PACRG: variants seen among roughly 807,000 people sequenced by gnomAD.
PACRG encodes parkin coregulated gene protein.
Under a neutral mutation model 29.7 loss-of-function variants are expected in PACRG, and 29 were observed. That is an observed-to-expected ratio of 0.98 (90% confidence interval 0.73 to 1.33). The LOEUF is 1.33. Ranked by LOEUF, PACRG falls within the 40% of genes most tolerant of loss-of-function variation. The pLI is 0.00. For synonymous variants in PACRG, 116 were observed against 118.7 expected (o/e 0.98, Z 0.15); for missense variants, 279 against 316.2 (o/e 0.88, Z 0.89).
chr6:163,245,002 C>T (rs768527952), intron 4 of PACRG: 27 of 455,160 alleles, frequency 5.9e-5, no homozygotes, highest in Admixed American at 2.4e-4. Context: ...TCCAGACTTG[C>T]TCCTTGTCTT....
chr6:162,916,213 A>C (rs1328599751), intron 2 of PACRG, among the ~76,000 whole-genome samples: 13 of 152,132 alleles, frequency 8.5e-5, no homozygotes, highest in Non-Finnish European at 1.8e-4. Context: ...ATGCTATTCT[A>C]CTGTCTTATG....
intron 2 of PACRG, among the ~76,000 whole-genome samples, chr6:163,021,829 G>T (rs1043040643): frequency 7.2e-5 from 11 of 152,180 alleles, no homozygotes; most frequent in African/African-American, 2.4e-4. Flanking sequence ...CTCAAGGGAG[G>T]CACTGTCGTT....
intron 1 of PACRG, among the ~76,000 whole-genome samples, chr6:162,768,719 A>T (rs931786639): frequency 3.4e-5 from 5 of 147,754 alleles, no homozygotes; most frequent in Non-Finnish European, 7.6e-5. Context: ...GAATTCTGAA[A>T]TACTAATATA....
At chr6:162,911,529 T>G (rs998960832) in intron 2 of PACRG, among the ~76,000 whole-genome samples, 1 of 152,232 alleles carries the variant, frequency 6.6e-6, no homozygotes, top group African/African-American at 2.4e-5. Flanking sequence ...TTTAGGATAC[T>G]TACAGAATAT....
chr6:162,783,916 G>A (rs1403380911), intron 1 of PACRG, among the ~76,000 whole-genome samples: 2 of 151,890 alleles, frequency 1.3e-5, no homozygotes, highest in African/African-American at 4.8e-5. Flanking sequence ...CCTTGCTTTT[G>A]TGTATATTGA....
chr6:163,206,599 C>T (rs1207799697), intron 4 of PACRG, among the ~76,000 whole-genome samples: 1 of 152,096 alleles, frequency 6.6e-6, no homozygotes, highest in Non-Finnish European at 1.5e-5. Context: ...TTATCAGGTA[C>T]TATGCTTAGT....
intron 4 of PACRG, among the ~76,000 whole-genome samples, chr6:163,218,115 A>G (rs1781434443): frequency 6.6e-6 from 1 of 152,122 alleles, no homozygotes; most frequent in Admixed American, 6.5e-5. Context: ...TTCTTTGCGA[A>G]TAAATTAGCT....
intron 4 of PACRG, among the ~76,000 whole-genome samples, chr6:163,097,602 T>C (rs1363623644): frequency 1.3e-5 from 2 of 152,204 alleles, no homozygotes; most frequent in Non-Finnish European, 2.9e-5. Flanking sequence ...TTTATATCTT[T>C]TAGGGAGACA....
chr6:163,263,387 G>A (rs559547179), intron 4 of PACRG, among the ~76,000 whole-genome samples: 4 of 152,226 alleles, frequency 2.6e-5, no homozygotes, highest in East Asian at 1.9e-4. Context: ...CGTGGCGGCC[G>A]CAGCCTCTGT....
chr6:163,292,449 T>C (rs1007927364), intron 4 of PACRG, among the ~76,000 whole-genome samples: 13 of 152,324 alleles, frequency 8.5e-5, no homozygotes, highest in African/African-American at 2.4e-4. Flanking sequence ...TCACCCAGGC[T>C]GGAGTGCAAT....
At chr6:162,828,855 A>G (rs1180189988) in intron 2 of PACRG, among the ~76,000 whole-genome samples, 1 of 152,220 alleles carries the variant, frequency 6.6e-6, no homozygotes, top group East Asian at 1.9e-4. Flanking sequence ...TAAATTGTGC[A>G]ATTTCAGGAC....
chr6:163,216,063 G>A (rs544942411), intron 4 of PACRG, among the ~76,000 whole-genome samples: 4 of 152,202 alleles, frequency 2.6e-5, no homozygotes, highest in Non-Finnish European at 5.9e-5. Context: ...AGTAATTTTA[G>A]AGATCATTTT....
intron 2 of PACRG, among the ~76,000 whole-genome samples, chr6:162,844,634 T>A (rs1012841456): frequency 1.3e-5 from 2 of 152,240 alleles, no homozygotes; most frequent in African/African-American, 4.8e-5. Context: ...ACATCATTTT[T>A]GAGGCTACAT....
intron 4 of PACRG, among the ~76,000 whole-genome samples, chr6:163,128,210 C>A (rs1042546546): frequency 5.9e-5 from 9 of 152,164 alleles, no homozygotes; most frequent in African/African-American, 2.2e-4. Flanking sequence ...TTCTTTGGAA[C>A]AAGAAGCAGG....
intron 1 of PACRG, among the ~76,000 whole-genome samples, chr6:162,747,340 A>T (rs1440966300): frequency 1.4e-5 from 1 of 72,412 alleles, no homozygotes; most frequent in African/African-American, 7.1e-5. Context: ...ATATATATAT[A>T]TATATATATA....
intron 4 of PACRG, among the ~76,000 whole-genome samples, chr6:163,103,623 C>T (rs868425877): frequency 2.0e-5 from 3 of 152,222 alleles, no homozygotes; most frequent in South Asian, 4.1e-4. Flanking sequence ...CACAACAATA[C>T]CTTGATTCAT....
intron 4 of PACRG, among the ~76,000 whole-genome samples, chr6:163,299,774 G>A (rs1350712058): frequency 6.6e-6 from 1 of 152,162 alleles, no homozygotes; most frequent in Non-Finnish European, 1.5e-5. Flanking sequence ...AGCTACTCAG[G>A]AGGCTGAGCC....
At chr6:163,083,425 A>C (rs373209362) in intron 3 of PACRG, among the ~76,000 whole-genome samples, 1 of 152,186 alleles carries the variant, frequency 6.6e-6, no homozygotes, top group African/African-American at 2.4e-5. Context: ...ACCAATGTAC[A>C]TCTTACATAT....
At chr6:163,129,458 C>CA (rs1816647312) in intron 4 of PACRG, among the ~76,000 whole-genome samples, 1 of 152,220 alleles carries the variant, frequency 6.6e-6, no homozygotes, top group African/African-American at 2.4e-5. Flanking sequence ...CATCAGGGCA[C>CA]AAACACCCCA....
Sources: gnomAD v4.1 joint callset for allele counts (sites outside exome capture counted in the v4.1 genomes callset) on GRCh38, gnomAD v4.1.1 for gene constraint, MANE v1.5 for transcripts, NCBI Gene and HGNC (gene_info 2026-07-23, HGNC 2026-07-21) for gene names.